NR2F1-AS1: variants seen among roughly 807,000 people sequenced by gnomAD.
The protein encoded by NR2F1-AS1 is NR2F1 antisense RNA 1.
intron 4 of NR2F1-AS1, among the ~76,000 whole-genome samples, chr5:93,416,521 CA>C (rs1561425182): frequency 6.6e-6 from 1 of 152,108 alleles, no homozygotes; most frequent in African/African-American, 2.4e-5. Flanking sequence ...GGACAATTAT[CA>C]AAAAGAGCAT....
chr5:93,427,745 A>G (rs1749224577), intron 4 of NR2F1-AS1, among the ~76,000 whole-genome samples: 1 of 152,196 alleles, frequency 6.6e-6, no homozygotes, highest in African/African-American at 2.4e-5. Flanking sequence ...CCCCACATTC[A>G]CATGTAAATT....
intron 4 of NR2F1-AS1, among the ~76,000 whole-genome samples, chr5:93,547,678 A>G (rs1752120954): frequency 6.6e-6 from 1 of 152,226 alleles, no homozygotes; most frequent in Admixed American, 6.5e-5. Context: ...CAAGAGAAAT[A>G]AAGAACTAAC....
At chr5:93,557,268 A>C (rs1752378940) in intron 2 of NR2F1-AS1, among the ~76,000 whole-genome samples, 1 of 152,220 alleles carries the variant, frequency 6.6e-6, no homozygotes, top group Non-Finnish European at 1.5e-5. Flanking sequence ...TACAACCAAA[A>C]CATAGTATAA....
intron 4 of NR2F1-AS1, among the ~76,000 whole-genome samples, chr5:93,498,651 A>G (rs1214306696): frequency 6.6e-6 from 1 of 152,196 alleles, no homozygotes; most frequent in Non-Finnish European, 1.5e-5. Context: ...TACTAGATGC[A>G]GTTTCAATGA....
chr5:93,486,513 C>A (rs1283841792), intron 4 of NR2F1-AS1, among the ~76,000 whole-genome samples: 2 of 152,012 alleles, frequency 1.3e-5, no homozygotes, highest in Non-Finnish European at 2.9e-5. Flanking sequence ...ATAAATTCCT[C>A]GACACATACA....
At chr5:93,544,597 A>C (rs1752032563) in intron 4 of NR2F1-AS1, among the ~76,000 whole-genome samples, 1 of 152,160 alleles carries the variant, frequency 6.6e-6, no homozygotes, top group African/African-American at 2.4e-5. Flanking sequence ...AAATTAGAGT[A>C]ATTGTTAGTA....
chr5:93,441,603 A>G (rs1399538054), intron 4 of NR2F1-AS1, among the ~76,000 whole-genome samples: 1 of 152,236 alleles, frequency 6.6e-6, no homozygotes. Context: ...CTTTATAACC[A>G]AGTTCTTTTA....
At chr5:93,541,419 TA>T (rs1486673806) in intron 4 of NR2F1-AS1, among the ~76,000 whole-genome samples, 1 of 152,178 alleles carries the variant, frequency 6.6e-6, no homozygotes, top group Non-Finnish European at 1.5e-5. Context: ...TGGAAATCAA[TA>T]ACCCTAATCC....
intron 4 of NR2F1-AS1, among the ~76,000 whole-genome samples, chr5:93,509,538 A>G (rs1451087634): frequency 6.6e-6 from 1 of 152,074 alleles, no homozygotes; most frequent in Admixed American, 6.5e-5. Flanking sequence ...AAGCTGGAGG[A>G]AGAATACATA....
intron 4 of NR2F1-AS1, among the ~76,000 whole-genome samples, chr5:93,475,478 T>C (rs1364818866): frequency 6.6e-6 from 1 of 152,200 alleles, no homozygotes; most frequent in Non-Finnish European, 1.5e-5. Flanking sequence ...TTCATTTGAT[T>C]TCAGTGGAAC....
chr5:93,459,644 A>G (rs115071405), intron 4 of NR2F1-AS1, among the ~76,000 whole-genome samples: 2,570 of 152,290 alleles, frequency 0.017, 78 homozygotes, highest in African/African-American at 0.059. Context: ...ATAGTTTAAC[A>G]TTTTTTAAAT....
At chr5:93,479,942 T>C (rs1163921172) in intron 4 of NR2F1-AS1, among the ~76,000 whole-genome samples, 1 of 152,016 alleles carries the variant, frequency 6.6e-6, no homozygotes. Context: ...AAAGAAATGT[T>C]TATCAAACTT....
chr5:93,448,936 G>T (rs971249120), intron 4 of NR2F1-AS1, among the ~76,000 whole-genome samples: 4 of 152,126 alleles, frequency 2.6e-5, no homozygotes, highest in African/African-American at 9.7e-5. Context: ...CAGTTAAATT[G>T]ATACATAAAA....
chr5:93,533,805 A>C (rs1751781613), intron 4 of NR2F1-AS1, among the ~76,000 whole-genome samples: 1 of 152,206 alleles, frequency 6.6e-6, no homozygotes, highest in African/African-American at 2.4e-5. Flanking sequence ...ATTTGGCCTT[A>C]AGCAATGTCG....
intron 1 of NR2F1-AS1, among the ~76,000 whole-genome samples, chr5:93,568,201 A>T (rs1220330948): frequency 6.6e-6 from 1 of 152,240 alleles, no homozygotes; most frequent in Admixed American, 6.5e-5. Flanking sequence ...GACTTATTTT[A>T]AAATGATAAA....
intron 4 of NR2F1-AS1, among the ~76,000 whole-genome samples, chr5:93,524,347 G>C (rs1751566293): frequency 6.6e-6 from 1 of 152,018 alleles, no homozygotes; most frequent in Non-Finnish European, 1.5e-5. Flanking sequence ...CCAAGAAATA[G>C]GGGACTATGT....
At chr5:93,444,215 G>A (rs1271342422) in intron 4 of NR2F1-AS1, among the ~76,000 whole-genome samples, 2 of 152,180 alleles carry the variant, frequency 1.3e-5, no homozygotes, top group Non-Finnish European at 2.9e-5. Context: ...AACCTTAAAT[G>A]TAAATGGGCT....
intron 4 of NR2F1-AS1, among the ~76,000 whole-genome samples, chr5:93,517,216 T>C (rs1376328068): frequency 6.6e-6 from 1 of 152,024 alleles, no homozygotes; most frequent in African/African-American, 2.4e-5. Context: ...TCTTGCTAAG[T>C]CTTTAAAGTA....
chr5:93,448,758 C>A (rs1351294219), intron 4 of NR2F1-AS1, among the ~76,000 whole-genome samples: 1 of 152,180 alleles, frequency 6.6e-6, no homozygotes, highest in Non-Finnish European at 1.5e-5. Flanking sequence ...TCTTACTCAG[C>A]CTTTTTGTTC....
Sources: allele counts gnomAD v4.1 joint callset (sites outside exome capture counted in the v4.1 genomes callset), GRCh38; gene constraint gnomAD v4.1.1; transcripts MANE v1.5; gene names NCBI Gene and HGNC (gene_info 2026-07-23, HGNC 2026-07-21).